AKAP13: variants seen among roughly 807,000 people sequenced by gnomAD.
AKAP13 encodes the protein A-kinase anchor protein 13.
AKAP13 carries 80 observed loss-of-function variants against 264.5 expected under a neutral mutation model. The ratio of observed to expected loss-of-function variants is 0.30; its 90% CI spans 0.25 to 0.36. The LOEUF (loss-of-function observed/expected upper bound fraction) is 0.36, where lower values mean the gene tolerates loss of function less well. Among genes scored for constraint, AKAP13 ranks in the 10% least tolerant of loss-of-function variants. The pLI is 1.00. For missense variants in AKAP13, 3,712 were observed against 3,435.2 expected (o/e 1.08, Z -2.01); for synonymous variants, 1,380 against 1,250.2 (o/e 1.10, Z -2.19).
chr15:85,607,443 A>G (rs563281836), intron 8 of AKAP13, among the ~76,000 whole-genome samples: 3 of 152,336 alleles, frequency 2.0e-5, no homozygotes, highest in Non-Finnish European at 4.4e-5. Context: ...ACATACATTA[A>G]TTCATTTATT....
At chr15:85,693,495 GCT>G in intron 17 of AKAP13, 44 bp downstream of exon 17, 1 of 1,590,276 alleles carries the variant, frequency 6.3e-7, no homozygotes. Flanking sequence ...AACTCTCTTG[GCT>G]CAAGAAAGCT....
At position 85,617,938 on chromosome 15, in the gene AKAP13, G is replaced by C. The variant is rs562865097; in HGVS notation, c.4162-21436G>C. Among the ~76,000 whole-genome samples the C allele has an allele frequency of 2.0e-5, 3 of 152,260 alleles. No homozygotes were observed. The East Asian group carries it at 5.8e-4, about 29-fold the overall frequency. On this transcript the variant is annotated intron_variant, in intron 8 of 36. Coordinates refer to ENST00000394518, the MANE Select transcript of AKAP13 (RefSeq NM_007200.5). ...TCTGTCAAATCGTCTTGTTTCTACT[G>C]TTTTGTAGCCTCATTTGTAATGAAA...
intron 8 of AKAP13, among the ~76,000 whole-genome samples, chr15:85,597,026 A>G (rs2079850745): frequency 1.3e-5 from 2 of 152,234 alleles, no homozygotes; most frequent in Admixed American, 6.5e-5. Flanking sequence ...GTAGAAAAAC[A>G]TACTTGAACT....
intron 36 of AKAP13, chr15:85,744,182 CTGTA>C (rs1366402016): frequency 6.5e-6 from 2 of 305,438 alleles, no homozygotes; most frequent in Non-Finnish European, 6.1e-6. Flanking sequence ...CCTCAAATGA[CTGTA>C]TGAAGTTGGC....
intron 3 of AKAP13, among the ~76,000 whole-genome samples, chr15:85,521,884 A>G (rs1244908116): frequency 6.6e-6 from 1 of 152,218 alleles, no homozygotes; most frequent in African/African-American, 2.4e-5. Context: ...GGCAAAAATG[A>G]TGTTGAAAAT....
chr15:85,721,425 T>G (rs562125084), intron 23 of AKAP13, among the ~76,000 whole-genome samples: 1 of 152,348 alleles, frequency 6.6e-6, no homozygotes, highest in African/African-American at 2.4e-5. Context: ...ATGAACTGCA[T>G]ACAGAAATTC....
At chr15:85,638,800 A>G (rs1479053398) in intron 8 of AKAP13, among the ~76,000 whole-genome samples, 1 of 151,140 alleles carries the variant, frequency 6.6e-6, no homozygotes, top group Non-Finnish European at 1.5e-5. Context: ...TGCTCCGCCC[A>G]GGCTGGAGTG....
intron 17 of AKAP13, among the ~76,000 whole-genome samples, chr15:85,706,757 A>T (rs917780780): frequency 1.3e-5 from 2 of 152,214 alleles, no homozygotes; most frequent in Non-Finnish European, 2.9e-5. Context: ...CAGTGGGTGA[A>T]TGGTCCCTGC....
intron 8 of AKAP13, among the ~76,000 whole-genome samples, chr15:85,604,139 A>G (rs1238680152): frequency 2.0e-5 from 3 of 152,198 alleles, no homozygotes; most frequent in Admixed American, 6.5e-5. Context: ...GGGATACAGT[A>G]TTTACTTCAT....
At chr15:85,615,336 T>A (rs1184749803) in intron 8 of AKAP13, among the ~76,000 whole-genome samples, 3 of 152,222 alleles carry the variant, frequency 2.0e-5, no homozygotes, top group Admixed American at 2.0e-4. Flanking sequence ...TTTTACTGTC[T>A]TGTAATCTTC....
At chr15:85,529,239 A>G (rs933605113) in intron 3 of AKAP13, among the ~76,000 whole-genome samples, 4 of 152,062 alleles carry the variant, frequency 2.6e-5, no homozygotes, top group African/African-American at 4.8e-5. Context: ...GGCTAATGCA[A>G]TGAAACCCCA....
intron 12 of AKAP13, chr15:85,662,521 T>C: frequency 6.3e-7 from 1 of 1,587,652 alleles, no homozygotes; most frequent in Non-Finnish European, 8.6e-7. Context: ...GGCTTTTGGC[T>C]TGGAGCTGGC....
chr15:85,404,985 T>G (rs2071597813), intron 1 of AKAP13, among the ~76,000 whole-genome samples: 1 of 152,236 alleles, frequency 6.6e-6, no homozygotes, highest in African/African-American at 2.4e-5. Context: ...TTTTCTTTTT[T>G]TATAAGCTAT....
At chr15:85,512,716 G>T (rs2076471732) in intron 2 of AKAP13, among the ~76,000 whole-genome samples, 1 of 152,176 alleles carries the variant, frequency 6.6e-6, no homozygotes, top group Non-Finnish European at 1.5e-5. Flanking sequence ...ACCTCAGTCA[G>T]CCCCTCACCT....
At chr15:85,740,605 AAT>A (rs2151781878) in intron 34 of AKAP13, 1 of 354,352 alleles carries the variant, frequency 2.8e-6, no homozygotes, top group East Asian at 5.3e-5. Flanking sequence ...GTGGTATTTG[AAT>A]AGAGTGGCCT....
chr15:85,533,947 G>A, intron 4 of AKAP13, 67 bp downstream of exon 4: 1 of 1,465,548 alleles, frequency 6.8e-7, no homozygotes, highest in South Asian at 1.4e-5. Flanking sequence ...TTTTAATGGG[G>A]CTACTTTTCT....
Position 85,693,368 on chromosome 15 carries a change from T to G in AKAP13, c.5381T>G (p.Phe1794Cys), listed in dbSNP as rs373322156. The change falls in exon 17 of 37, where the codon TTC becomes TGC. Residue 1794 changes from phenylalanine (F) to cysteine (C), a missense_variant. Coordinates refer to ENST00000394518, the MANE Select transcript of AKAP13 (RefSeq NM_007200.5). ...KDKKTVNGHT[F>C]SSIPVVGPIS... Reference sequence around the variant, plus strand: ...AAGAAGACTGTCAACGGGCACACTTTCAGTTCCATTCCTGTTGTGGGTCCC... The same window carrying G: ...AAGAAGACTGTCAACGGGCACACTTGCAGTTCCATTCCTGTTGTGGGTCCC... 1.2e-6 allele frequency: 2 copies of G among 1,614,020 alleles called. No homozygotes were observed. The highest frequency in any genetic ancestry group is 1.1e-5 in the South Asian group (1 of 91,010).
In AKAP13 at chr15:85,727,209, C is replaced by T. The variant is rs759431577; in HGVS notation, c.6966C>T (p.Asn2322=). 3 of 1,614,072 alleles carry T rather than the reference C, an allele frequency of 1.9e-6. No homozygotes were observed. Among genetic ancestry groups the T allele is most frequent in the South Asian group, 1.1e-5 (1 of 91,092 alleles). The change falls in exon 28 of 37, where the codon AAC becomes AAT. Residue 2322 remains asparagine, a synonymous_variant. Transcript: ENST00000394518. The surrounding 1 kb of genome is among the most constrained non-coding windows in gnomAD (Gnocchi z 5.3). ...ATGCCAGCTCCAAAGAGGAACGAAA[C>T]AGCTGGATTCAGATCATTCAGGACA... The part of the protein sequence containing the change: ...EVHASSKEER[N]SWIQIIQDTI...
At chr15:85,443,887 A>G (rs1333410303) in intron 1 of AKAP13, among the ~76,000 whole-genome samples, 2 of 152,122 alleles carry the variant, frequency 1.3e-5, no homozygotes, top group South Asian at 4.1e-4. Flanking sequence ...AGAACTTGCC[A>G]TTGATGTGCT....
Sources: allele counts gnomAD v4.1 joint callset (sites outside exome capture counted in the v4.1 genomes callset), GRCh38; gene constraint gnomAD v4.1.1; non-coding constraint Gnocchi (gnomAD v3.1); transcripts MANE v1.5; gene names NCBI Gene and HGNC (gene_info 2026-07-23, HGNC 2026-07-21).